The following FMN2 variants were observed in gnomAD, a reference collection of about 807,000 sequenced individuals.
FMN2 encodes formin-2.
A neutral mutation model predicts 142.3 loss-of-function variants in FMN2; 51 were observed. The ratio of observed to expected loss-of-function variants is 0.36; its 90% confidence interval spans 0.29 to 0.45. FMN2 has a LOEUF of 0.45. Ranked by LOEUF, FMN2 falls within the 20% of genes least tolerant of loss-of-function variation. FMN2 has a pLI of 1.00. For missense variants in FMN2, 1,936 were observed against 2,122.8 expected, an observed-to-expected ratio of 0.91 and a Z score of 1.73; for synonymous variants, 882 against 869.8, an observed-to-expected ratio of 1.01 and a Z score of -0.25.
chr1:240,222,424 G>C (rs2103425360), intron 6 of FMN2, among the ~76,000 whole-genome samples: 1 of 152,194 alleles, frequency 6.6e-6, no homozygotes, highest in Non-Finnish European at 1.5e-5. Flanking sequence ...CAGGTGGTGT[G>C]ATGCTTCCAG....
intron 16 of FMN2, among the ~76,000 whole-genome samples, chr1:240,467,973 A>G (rs1038962611): frequency 7.9e-5 from 12 of 152,200 alleles, no homozygotes; most frequent in Admixed American, 2.0e-4. Context: ...CAAAGTCACT[A>G]AAAGTGATGA....
At chr1:240,318,294 G>A (rs1278637133) in intron 8 of FMN2, among the ~76,000 whole-genome samples, 1 of 152,208 alleles carries the variant, frequency 6.6e-6, no homozygotes, top group East Asian at 1.9e-4. Context: ...CAATGGGACA[G>A]TTTTTCATTT....
chr1:240,399,224 G>A (rs1217784505), intron 15 of FMN2, among the ~76,000 whole-genome samples: 1 of 152,092 alleles, frequency 6.6e-6, no homozygotes, highest in African/African-American at 2.4e-5. Context: ...TATGTATGTC[G>A]AGTATCAACT....
chr1:240,338,957 A>G (rs1671656788), intron 13 of FMN2, among the ~76,000 whole-genome samples: 1 of 152,056 alleles, frequency 6.6e-6, no homozygotes, highest in Non-Finnish European at 1.5e-5. Flanking sequence ...AGATTCTCCT[A>G]AGGAGCATTC....
At position 240,207,621 on chromosome 1, in the gene FMN2, C is replaced by G. The variant is rs1338973973; in HGVS notation, c.2809C>G (p.Leu937Val). Residue 937 changes from leucine to valine, a missense_variant, in exon 5 of 18, where the codon CTA becomes GTA. Leu to Val is a conservative substitution (Grantham distance 32). Transcript: ENST00000319653. ...AGCAGGCATACTCCCTCTGCCCCCT[C>G]TACCCGGAGCGGGAATACCTCCTCC... Reference protein sequence around the residue: ...PGAGILPLPPLPGAGIPPPPP... With the variant: ...PGAGILPLPPVPGAGIPPPPP... The G allele has an allele frequency of 1.7e-5, 20 of 1,173,982 alleles. No individual in the cohort carries two copies. Among genetic ancestry groups the G allele is most frequent in the Non-Finnish European group, 2.2e-5 (20 of 898,198 alleles). 72.7% of individuals were successfully genotyped at this position (1,173,982 alleles called of 1,614,324 possible).
intron 2 of FMN2, among the ~76,000 whole-genome samples, chr1:240,169,848 A>T (rs1664630426): frequency 6.6e-6 from 1 of 151,992 alleles, no homozygotes; most frequent in African/African-American, 2.4e-5. Flanking sequence ...TATTTTTAAT[A>T]TTTTTTTCCC....
chr1:240,161,028 GGCCTGTATGCAGAAGCCTAATAA>G, intron 2 of FMN2, among the ~76,000 whole-genome samples: 1 of 152,240 alleles, frequency 6.6e-6, no homozygotes, highest in East Asian at 1.9e-4. Context: ...ACATGTGCAT[GGCCTGTATGCAGAAGCCTAATAA>G]ACTTCATTGA....
intron 16 of FMN2, among the ~76,000 whole-genome samples, chr1:240,463,933 G>A (rs9661042): frequency 0.19 from 29,472 of 152,034 alleles, 2,947 homozygotes; most frequent in Middle Eastern, 0.27. Context: ...AACCTACGAG[G>A]CAGAGGTTGT....
rs59109636 is a variant in FMN2, at chr1:240,427,406, C to A, written c.4911-10655C>A. Among the ~76,000 whole-genome samples the A allele has an allele frequency of 3.0e-3, 462 of 151,878 alleles. 2 individuals are homozygous for A. The highest frequency in any genetic ancestry group is 0.011 in the African/African-American group (442 of 41,424). On this transcript the variant is annotated intron_variant, in intron 15 of 17. Transcript: ENST00000319653. ...GTTTTTAGTAGAGACGGGGTTTCAC[C>A]GTGTTAGCCAGGATGGTCTCCATCT...
At chr1:240,293,453 AAAG>A (rs1669860078) in intron 7 of FMN2, among the ~76,000 whole-genome samples, 1 of 152,192 alleles carries the variant, frequency 6.6e-6, no homozygotes, top group Non-Finnish European at 1.5e-5. Flanking sequence ...GCACAAATTG[AAAG>A]AAGATAATTC....
rs556834777 is a variant in FMN2 at position 240,117,761 on chromosome 1, A to G, written c.1616-5418A>G. Among the ~76,000 whole-genome samples, 13 of 152,262 alleles carry G rather than the reference A, an allele frequency of 8.5e-5. No homozygotes were observed. In the East Asian group the frequency reaches 2.5e-3, roughly 29 times the overall value. On this transcript the variant is annotated intron_variant, in intron 1 of 17. Coordinates refer to ENST00000319653, the MANE Select transcript of FMN2 (RefSeq NM_020066.5). ...TCATTGATGATCGAAAAATTAATTGATTATCCCGTCTTTGCCAGCCACTCC... is the reference window on the plus strand; with the variant it reads ...TCATTGATGATCGAAAAATTAATTGGTTATCCCGTCTTTGCCAGCCACTCC...
chr1:240,244,827 GCCAAGGTTGGTTGTCTAACCATTTTT>G (rs1033247139), intron 6 of FMN2, among the ~76,000 whole-genome samples: 2 of 152,176 alleles, frequency 1.3e-5, no homozygotes, highest in African/African-American at 4.8e-5. Context: ...CTGATGTCTA[GCCAAGGTTGGTTGTCTAACCATTTTT>G]CCAAGTTTAT....
At chr1:240,360,780 A>G (rs1168288937) in intron 14 of FMN2, among the ~76,000 whole-genome samples, 2 of 152,178 alleles carry the variant, frequency 1.3e-5, no homozygotes, top group East Asian at 3.9e-4. Flanking sequence ...ACCATGGAAT[A>G]CTATGCAGCC....
chr1:240,274,465 C>T (rs565698618), intron 7 of FMN2, among the ~76,000 whole-genome samples: 3 of 152,048 alleles, frequency 2.0e-5, no homozygotes, highest in African/African-American at 2.4e-5. Flanking sequence ...GAATTGGAGA[C>T]GTGATTTGGA....
rs59902639 is a variant in FMN2 at position 240,252,953 on chromosome 1, CTT to C, written c.4066-4976_4066-4975del. On this transcript the variant is annotated intron_variant, in intron 6 of 17. Transcript: ENST00000319653. ...CCCATGTGTGATGTAGTCTTGTTCA[CTT>C]TTTTTTTTTTTTTTTGGAGACAGAG... Among the ~76,000 whole-genome samples, 6 of 65,344 alleles carry C rather than the reference CTT, an allele frequency of 9.2e-5. No homozygotes were observed. In the East Asian group the frequency reaches 2.3e-3, roughly 25 times the overall value. 42.9% of individuals were successfully genotyped at this position (65,344 alleles called of 152,430 possible). A position where few individuals can be genotyped will look rare whatever the true frequency, so the allele number is the denominator to read the frequency against.
chr1:240,396,355 T>C (rs909538147), intron 15 of FMN2, among the ~76,000 whole-genome samples: 2 of 148,782 alleles, frequency 1.3e-5, no homozygotes, highest in African/African-American at 4.9e-5. Context: ...TAAAGAAAGA[T>C]AGAGAATTGA....
intron 1 of FMN2, among the ~76,000 whole-genome samples, chr1:240,122,588 T>C (rs560342347): frequency 1.1e-3 from 165 of 152,120 alleles, no homozygotes; most frequent in African/African-American, 3.7e-3. Context: ...TGGCCTTGGA[T>C]CCAAATTTAA....
intron 6 of FMN2, chr1:240,245,222 TAGAAG>T (rs1269018118): frequency 7.7e-6 from 2 of 260,086 alleles, no homozygotes; most frequent in African/African-American, 2.3e-5. Context: ...AAATAGAAAA[TAGAAG>T]AGAAATACAT....
chr1:240,338,878 A>T (rs994401025), intron 13 of FMN2, among the ~76,000 whole-genome samples: 74 of 152,174 alleles, frequency 4.9e-4, no homozygotes, highest in African/African-American at 1.7e-3. Context: ...GAAGCCCTAA[A>T]CTTGTTTTTC....
Sources: gnomAD v4.1 joint callset for allele counts (sites outside exome capture counted in the v4.1 genomes callset) on GRCh38, gnomAD v4.1.1 for gene constraint, MANE v1.5 for transcripts, NCBI Gene and HGNC (gene_info 2026-07-23, HGNC 2026-07-21) for gene names.